FARS2: variants seen among roughly 807,000 people sequenced by gnomAD.
The protein encoded by FARS2 is phenylalanine--tRNA ligase, mitochondrial.
FARS2 carries 40 observed loss-of-function variants against 46.4 expected under a neutral mutation model. The ratio of observed to expected loss-of-function variants is 0.86; its 90% CI spans 0.67 to 1.12. The LOEUF (loss-of-function observed/expected upper bound fraction) is 1.12, where lower values mean the gene tolerates loss of function less well. Ranked by LOEUF, FARS2 falls within the 50% of genes most tolerant of loss-of-function variation. The probability of loss-of-function intolerance (pLI) is 0.00; values close to 1 mark genes in which losing one functional copy is unlikely to be tolerated. For synonymous variants in FARS2, 234 were observed against 214.9 expected, an observed-to-expected ratio of 1.09 and a Z score of -0.78; for missense variants, 513 against 567.9, an observed-to-expected ratio of 0.90 and a Z score of 0.98.
At chr6:5,708,073 G>A (rs6597159) in intron 6 of FARS2, among the ~76,000 whole-genome samples, 143,612 of 152,182 alleles carry the variant, frequency 0.94, 67,829 homozygotes, top group Middle Eastern at 0.97. Flanking sequence ...CTGTGGGTAG[G>A]ATGAAAACAT....
At chr6:5,496,674 CTCT>C (rs1393348836) in intron 4 of FARS2, among the ~76,000 whole-genome samples, 1 of 152,078 alleles carries the variant, frequency 6.6e-6, no homozygotes. Context: ...GTGTCCTAAT[CTCT>C]TCTTCTTGTA....
chr6:5,743,899 C>T (rs1761490259), intron 6 of FARS2, among the ~76,000 whole-genome samples: 1 of 152,230 alleles, frequency 6.6e-6, no homozygotes, highest in South Asian at 2.1e-4. Context: ...TCATTGAGTG[C>T]TAATCACATA....
At chr6:5,693,994 C>G (rs1340702914) in intron 6 of FARS2, among the ~76,000 whole-genome samples, 5 of 152,180 alleles carry the variant, frequency 3.3e-5, no homozygotes, top group Non-Finnish European at 7.4e-5. Context: ...CACCCATTTT[C>G]AAGGCAAGAG....
intron 4 of FARS2, among the ~76,000 whole-genome samples, chr6:5,494,873 A>G (rs79615801): frequency 0.026 from 3,994 of 152,336 alleles, 82 homozygotes; most frequent in South Asian, 0.1. Flanking sequence ...AAACTAGATG[A>G]GGAAAAAGCA....
At chr6:5,263,646 G>A (rs1765347742) in intron 1 of FARS2, among the ~76,000 whole-genome samples, 1 of 152,170 alleles carries the variant, frequency 6.6e-6, no homozygotes, top group African/African-American at 2.4e-5. Flanking sequence ...GAGAGTATCT[G>A]TAAAACAGGA....
intron 5 of FARS2, among the ~76,000 whole-genome samples, chr6:5,608,534 G>A (rs1186362346): frequency 1.3e-5 from 2 of 151,874 alleles, no homozygotes; most frequent in African/African-American, 2.4e-5. Flanking sequence ...GTATTAAATC[G>A]TTTATTGATT....
At chr6:5,423,575 A>T (rs1369999727) in intron 3 of FARS2, among the ~76,000 whole-genome samples, 1 of 151,826 alleles carries the variant, frequency 6.6e-6, no homozygotes, top group Non-Finnish European at 1.5e-5. Flanking sequence ...TTTTTCCCCT[A>T]TTGCTTTGTG....
At chr6:5,546,738 T>A (rs1771048442) in intron 5 of FARS2, among the ~76,000 whole-genome samples, 1 of 151,854 alleles carries the variant, frequency 6.6e-6, no homozygotes, top group South Asian at 2.1e-4. Context: ...CTCATCTTTT[T>A]TTTTTTCCTG....
At chr6:5,729,269 G>T (rs139727215) in intron 6 of FARS2, among the ~76,000 whole-genome samples, 1 of 152,162 alleles carries the variant, frequency 6.6e-6, no homozygotes, top group Non-Finnish European at 1.5e-5. Flanking sequence ...TGAATAGCTC[G>T]TGCTAATGAA....
chr6:5,325,882 T>C (rs1239969070), intron 1 of FARS2, among the ~76,000 whole-genome samples: 2 of 152,208 alleles, frequency 1.3e-5, no homozygotes, highest in Non-Finnish European at 2.9e-5. Context: ...AAAAAAATTT[T>C]AAGCATCACT....
chr6:5,626,007 T>C (rs1290592854), intron 6 of FARS2, among the ~76,000 whole-genome samples: 3 of 152,168 alleles, frequency 2.0e-5, no homozygotes, highest in African/African-American at 4.8e-5. Context: ...TACAGCTTCA[T>C]AGTGATCTAC....
rs372507372 is a variant in FARS2, at chr6:5,473,545, C to CAA, written c.904+42384_904+42385dup. Among the ~76,000 whole-genome samples the CAA allele has an allele frequency of 3.6e-3, 505 of 141,666 alleles. 6 individuals carry two copies. The highest frequency in any genetic ancestry group is 4.9e-3 in the Non-Finnish European group (326 of 65,966). The allele number at this position is 141,666 out of a possible 152,430, so 92.9% of individuals were successfully genotyped here. ...CTGTCTCAAAAAACAAAAAAAAAAA[C>CAA]AAAAAAAAAAAACAAAAGAATACCC... On this transcript the variant is annotated intron_variant, in intron 4 of 6. Transcript: ENST00000274680.
intron 4 of FARS2, among the ~76,000 whole-genome samples, chr6:5,437,509 TG>T (rs1474756460): frequency 3.9e-5 from 6 of 152,322 alleles, no homozygotes; most frequent in Admixed American, 6.5e-5. Context: ...TTTTTCTTTA[TG>T]TTTTTTTGAA....
chr6:5,519,985 T>G lies in FARS2; in HGVS notation c.905-25195T>G, dbSNP rs148106879. Reference sequence around the variant, plus strand: ...GACTTCCTTAAAATTCGACTTTGCTTCATGTCAAATAGACTGGGGTCTCCC... The same window carrying G: ...GACTTCCTTAAAATTCGACTTTGCTGCATGTCAAATAGACTGGGGTCTCCC... On this transcript the variant is annotated intron_variant, in intron 4 of 6. Coordinates refer to ENST00000274680, the MANE Select transcript of FARS2 (RefSeq NM_006567.5). 3.9e-5 allele frequency among the ~76,000 whole-genome samples: 6 copies of G among 152,312 alleles called. No homozygotes were observed. The East Asian group carries it at 9.7e-4, about 25-fold the overall frequency.
intron 6 of FARS2, among the ~76,000 whole-genome samples, chr6:5,686,342 T>TCCC (rs369821944): frequency 1.7e-4 from 25 of 148,052 alleles, no homozygotes; most frequent in African/African-American, 6.2e-4. Context: ...CCTAATGCTC[T>TCCC]CCCCCCCCGC....
intron 6 of FARS2, among the ~76,000 whole-genome samples, chr6:5,707,851 G>A (rs922228420): frequency 6.6e-6 from 1 of 152,198 alleles, no homozygotes. Flanking sequence ...CTGCCATCGG[G>A]GCCTCACAGT....
At chr6:5,623,427 T>C (rs1775871449) in intron 6 of FARS2, among the ~76,000 whole-genome samples, 1 of 152,140 alleles carries the variant, frequency 6.6e-6, no homozygotes, top group East Asian at 1.9e-4. Context: ...AAAAAAATAC[T>C]TGTAGGCCGG....
intron 5 of FARS2, among the ~76,000 whole-genome samples, chr6:5,594,961 C>T (rs9504440): frequency 0.13 from 19,169 of 152,220 alleles, 2,517 homozygotes; most frequent in African/African-American, 0.34. Flanking sequence ...TCTGTCCGGC[C>T]GGCAGCCTTC....
chr6:5,638,557 T>C (rs1776656612), intron 6 of FARS2, among the ~76,000 whole-genome samples: 1 of 152,154 alleles, frequency 6.6e-6, no homozygotes, highest in African/African-American at 2.4e-5. Context: ...AGAGCGAGAC[T>C]CTGTCTCAAA....
Sources: allele counts gnomAD v4.1 joint callset (sites outside exome capture counted in the v4.1 genomes callset), GRCh38; gene constraint gnomAD v4.1.1; transcripts MANE v1.5; gene names NCBI Gene and HGNC (gene_info 2026-07-23, HGNC 2026-07-21).